NRG1: variants seen among roughly 807,000 people sequenced by gnomAD.
NRG1 encodes pro-neuregulin-1, membrane-bound isoform.
Under a neutral mutation model 63.8 loss-of-function variants are expected in NRG1, and 18 were observed. That is an observed-to-expected ratio of 0.28 (90% confidence interval 0.19 to 0.42). NRG1 has a LOEUF of 0.42. NRG1 is among the 10% of genes least tolerant of loss of function. The pLI is 1.00. For missense variants in NRG1, 762 were observed against 814.7 expected (o/e 0.94, Z 0.79); for synonymous variants, 302 against 301.3 (o/e 1.00, Z -0.02).
rs951225672 is a variant in NRG1 at position 31,794,658 on chromosome 8, T to C, written c.37+155227T>C. Reference sequence around the variant, plus strand: ...ATGTCTTTTAAATTTAGAGTTATTGTTACTTTATAATAATTATTATTATTG... The same window carrying C: ...ATGTCTTTTAAATTTAGAGTTATTGCTACTTTATAATAATTATTATTATTG... On this transcript the variant is annotated intron_variant, in intron 1 of 10. Transcript: ENST00000519301. Among the ~76,000 whole-genome samples, 22 of 151,878 alleles carry C rather than the reference T, an allele frequency of 1.4e-4. 1 individual carries two copies. The highest frequency in any genetic ancestry group is 1.1e-3 in the Admixed American group (17 of 15,260).
intron 1 of NRG1, among the ~76,000 whole-genome samples, chr8:32,165,578 T>C (rs1000565986): frequency 1.1e-4 from 17 of 152,136 alleles, no homozygotes; most frequent in Non-Finnish European, 1.3e-4. Context: ...GAAACAAGAC[T>C]GTTAGAGGGC....
At chr8:32,260,439 G>A (rs751627190) in intron 1 of NRG1, among the ~76,000 whole-genome samples, 2 of 152,204 alleles carry the variant, frequency 1.3e-5, no homozygotes, top group African/African-American at 4.8e-5. Flanking sequence ...CATGGGGTCA[G>A]TCCATAGAAC....
At chr8:32,457,270 T>C (rs996422667) in intron 1 of NRG1, among the ~76,000 whole-genome samples, 2 of 152,234 alleles carry the variant, frequency 1.3e-5, no homozygotes, top group Admixed American at 1.3e-4. Flanking sequence ...GAACATCTAC[T>C]TTGTCAGATA....
In NRG1 at chr8:32,557,609, T is replaced by A. The variant is rs561799087; in HGVS notation, c.100+8783T>A. On this transcript the variant is annotated intron_variant, in intron 1 of 11. Transcript: ENST00000356819. ...GGGAAAAATATTGAAGGCTGGTATA[T>A]TGTCCCCAGAAGGATTAGATGAAAT... 5.5e-4 allele frequency among the ~76,000 whole-genome samples: 84 copies of A among 152,290 alleles called. 1 individual carries two copies. Among genetic ancestry groups the A allele is most frequent in the Admixed American group, 3.1e-3 (48 of 15,300 alleles).
chr8:32,172,765 T>G (rs1451033770), intron 1 of NRG1, among the ~76,000 whole-genome samples: 1 of 151,920 alleles, frequency 6.6e-6, no homozygotes, highest in African/African-American at 2.4e-5. Context: ...ATGAATGAAA[T>G]GAAGCAAGAA....
chr8:31,751,556 A>C (rs1197047490), intron 1 of NRG1, among the ~76,000 whole-genome samples: 1 of 151,972 alleles, frequency 6.6e-6, no homozygotes, highest in African/African-American at 2.4e-5. Flanking sequence ...CATTTTAAGG[A>C]ATTTTAAGCA....
chr8:31,659,539 C>T (rs1563264646), intron 1 of NRG1, among the ~76,000 whole-genome samples: 1 of 151,988 alleles, frequency 6.6e-6, no homozygotes, highest in Non-Finnish European at 1.5e-5. Flanking sequence ...CCCTCAGGAG[C>T]AACAGATTGG....
chr8:32,308,261 G>C (rs1856444844), intron 1 of NRG1, among the ~76,000 whole-genome samples: 1 of 152,156 alleles, frequency 6.6e-6, no homozygotes, highest in Non-Finnish European at 1.5e-5. Context: ...TGGCCACAGT[G>C]ATCTTTAAAA....
intron 1 of NRG1, among the ~76,000 whole-genome samples, chr8:32,466,180 A>T (rs1381729686): frequency 4.6e-5 from 7 of 152,156 alleles, no homozygotes; most frequent in African/African-American, 9.7e-5. Context: ...TAAGTAAATT[A>T]GCCAGGCATA....
intron 1 of NRG1, among the ~76,000 whole-genome samples, chr8:31,706,785 TTATTA>T (rs1811193820): frequency 6.6e-6 from 1 of 152,234 alleles, no homozygotes; most frequent in Non-Finnish European, 1.5e-5. Flanking sequence ...TGTGCTTTTC[TTATTA>T]TGAGTGAAGT....
intron 1 of NRG1, among the ~76,000 whole-genome samples, chr8:31,960,322 GGAACAAAC>G (rs1447886788): frequency 8.5e-5 from 13 of 152,108 alleles, no homozygotes; most frequent in African/African-American, 2.7e-4. Context: ...TGAGGCTGTG[GGAACAAAC>G]GAGTTCATAT....
chr8:32,421,557 AT>A (rs1816702188), intron 1 of NRG1, among the ~76,000 whole-genome samples: 1 of 152,198 alleles, frequency 6.6e-6, no homozygotes, highest in Non-Finnish European at 1.5e-5. Context: ...TTCCAAGACG[AT>A]TTTATACAAG....
At chr8:31,951,928 A>C (rs909662333) in intron 1 of NRG1, among the ~76,000 whole-genome samples, 4 of 152,226 alleles carry the variant, frequency 2.6e-5, no homozygotes, top group African/African-American at 9.6e-5. Context: ...TCTTTCACTA[A>C]GACAAAAATT....
intron 1 of NRG1, among the ~76,000 whole-genome samples, chr8:31,643,094 G>A (rs1381903892): frequency 6.6e-6 from 1 of 151,946 alleles, no homozygotes; most frequent in Non-Finnish European, 1.5e-5. Flanking sequence ...ACAGAAAAAT[G>A]GAAAAGAGAG....
chr8:32,279,952 T>G lies in NRG1; in HGVS notation c.38-315876T>G, dbSNP rs367804317. On this transcript the variant is annotated intron_variant, in intron 1 of 10. Transcript: ENST00000519301. ...GATTCTGCTAGCCAGAGCCAGCTTATTGAAAACAAAAGCAGTCTGTTAGGA... is the reference window on the plus strand; with the variant it reads ...GATTCTGCTAGCCAGAGCCAGCTTAGTGAAAACAAAAGCAGTCTGTTAGGA... 2.6e-5 allele frequency among the ~76,000 whole-genome samples: 4 copies of G among 152,326 alleles called. No homozygotes were observed. The East Asian group carries it at 5.8e-4, about 22-fold the overall frequency.
intron 11 of NRG1, chr8:32,760,910 C>T (rs986678440): frequency 1.0e-6 from 1 of 992,740 alleles, no homozygotes; most frequent in Non-Finnish European, 1.2e-6. Context: ...TCATGGGGGG[C>T]AACTGCTTGC....
At chr8:31,973,917 C>A (rs900804560) in intron 1 of NRG1, among the ~76,000 whole-genome samples, 2 of 152,140 alleles carry the variant, frequency 1.3e-5, no homozygotes, top group East Asian at 3.9e-4. Context: ...GAATGAAATT[C>A]ACTCTCCGTC....
chr8:31,695,320 C>G (rs1809944450), intron 1 of NRG1, among the ~76,000 whole-genome samples: 1 of 152,166 alleles, frequency 6.6e-6, no homozygotes, highest in South Asian at 2.1e-4. Flanking sequence ...GAGGCATGCA[C>G]CACCACGCTA....
intron 1 of NRG1, among the ~76,000 whole-genome samples, chr8:31,900,683 T>C (rs966851443): frequency 2.0e-5 from 3 of 152,148 alleles, no homozygotes; most frequent in Non-Finnish European, 4.4e-5. Flanking sequence ...CCTGAACATA[T>C]CCCATCCTGA....
Sources: allele counts gnomAD v4.1 joint callset (sites outside exome capture counted in the v4.1 genomes callset), GRCh38; gene constraint gnomAD v4.1.1; transcripts MANE v1.5; gene names NCBI Gene and HGNC (gene_info 2026-07-23, HGNC 2026-07-21).